Variants in SDR42E2 observed in about 807,000 individuals in gnomAD.
SDR42E2 encodes putative short-chain dehydrogenase/reductase family 42E member 2.
Under a neutral mutation model 10.5 loss-of-function variants are expected in SDR42E2, and 20 were observed. That is an observed-to-expected ratio of 1.90 (90% CI 1.34 to 2.77). SDR42E2 has a LOEUF of 2.77. SDR42E2 is among the 30% of genes most tolerant of loss of function. The pLI is 0.00. For synonymous variants in SDR42E2, 72 were observed against 39.2 expected, an observed-to-expected ratio of 1.84 and a Z score of -3.12; for missense variants, 162 against 104.2, an observed-to-expected ratio of 1.55 and a Z score of -2.42.
At chr16:22,180,465 C>A (rs1182454571) in intron 8 of SDR42E2, among the ~76,000 whole-genome samples, 1 of 152,026 alleles carries the variant, frequency 6.6e-6, no homozygotes, top group Non-Finnish European at 1.5e-5. Flanking sequence ...CTTTGGGAAG[C>A]CGAGGAGGGA....
chr16:22,186,204 C>A (rs1335200893), intron 11 of SDR42E2, among the ~76,000 whole-genome samples: 1 of 151,744 alleles, frequency 6.6e-6, no homozygotes, highest in African/African-American at 2.4e-5. Flanking sequence ...AAACTTCAGT[C>A]GTTCAATTTT....
intron 7 of SDR42E2, among the ~76,000 whole-genome samples, chr16:22,175,353 G>A (rs528120203): frequency 6.6e-6 from 1 of 152,106 alleles, no homozygotes; most frequent in South Asian, 2.1e-4. Flanking sequence ...CCAGCTACTC[G>A]GGAGGCAGAG....
chr16:22,169,876 C>G (rs1181906050), intron 5 of SDR42E2, among the ~76,000 whole-genome samples: 1 of 151,590 alleles, frequency 6.6e-6, no homozygotes, highest in East Asian at 1.9e-4. Context: ...ACTAAAAATA[C>G]AAAAAATTAG....
chr16:22,174,396 CA>C (rs1363298396), intron 7 of SDR42E2, among the ~76,000 whole-genome samples: 1 of 152,038 alleles, frequency 6.6e-6, no homozygotes, highest in Admixed American at 6.6e-5. Context: ...TGACCTCACT[CA>C]AGATCATCCA....
intron 7 of SDR42E2, among the ~76,000 whole-genome samples, chr16:22,177,852 G>A (rs868064815): frequency 8.3e-5 from 12 of 144,884 alleles, no homozygotes; most frequent in Admixed American, 5.7e-4. Flanking sequence ...TGCACTGTGA[G>A]CAATGGGAGG....
intron 6 of SDR42E2, among the ~76,000 whole-genome samples, chr16:22,171,520 GTTGT>G (rs1206106685): frequency 2.0e-5 from 3 of 151,752 alleles, no homozygotes; most frequent in South Asian, 2.1e-4. Flanking sequence ...TTACAGGCGT[GTTGT>G]TTGTTTGTTT....
At chr16:22,175,990 T>TAAA (rs879892114) in intron 7 of SDR42E2, among the ~76,000 whole-genome samples, 1 of 141,704 alleles carries the variant, frequency 7.1e-6, no homozygotes, top group Non-Finnish European at 1.6e-5. Context: ...AAGACTCTAT[T>TAAA]AAAAAAAAAA....
chr16:22,169,406 G>A (rs957574770), intron 4 of SDR42E2, 39 bp from the exon 5 acceptor site: 24 of 703,074 alleles, frequency 3.4e-5, no homozygotes, highest in Middle Eastern at 2.3e-4. Context: ...AAGAAGGCAT[G>A]GGTAGCACCA....
chr16:22,168,992 A>T (rs980410716), intron 4 of SDR42E2, among the ~76,000 whole-genome samples: 3 of 152,168 alleles, frequency 2.0e-5, no homozygotes, highest in African/African-American at 7.2e-5. Flanking sequence ...GGCCCACAGG[A>T]GCCCTCACAG....
intron 7 of SDR42E2, among the ~76,000 whole-genome samples, chr16:22,175,818 C>T (rs886629754): frequency 2.0e-5 from 3 of 151,926 alleles, no homozygotes; most frequent in African/African-American, 7.3e-5. Context: ...CATAGCGAAG[C>T]CCCTCCTCTA....
At chr16:22,164,255 A>T (rs2046518343) in intron 1 of SDR42E2, among the ~76,000 whole-genome samples, 1 of 152,156 alleles carries the variant, frequency 6.6e-6, no homozygotes, top group Admixed American at 6.5e-5. Context: ...CTCTGTCTCA[A>T]AAATTAAAAA....
At chr16:22,184,558 C>T (rs1393415614) in intron 11 of SDR42E2, among the ~76,000 whole-genome samples, 1 of 152,086 alleles carries the variant, frequency 6.6e-6, no homozygotes, top group Non-Finnish European at 1.5e-5. Flanking sequence ...GCCGAGATCC[C>T]GCCACTGCAC....
At chr16:22,172,834 G>A (rs2046612666) in intron 7 of SDR42E2, among the ~76,000 whole-genome samples, 1 of 152,214 alleles carries the variant, frequency 6.6e-6, no homozygotes, top group South Asian at 2.1e-4. Context: ...AGGCTGGAGT[G>A]CAATGGCACA....
intron 1 of SDR42E2, among the ~76,000 whole-genome samples, chr16:22,163,985 T>TA (rs1343435426): frequency 6.6e-6 from 1 of 151,176 alleles, no homozygotes; most frequent in Admixed American, 6.7e-5. Flanking sequence ...CAGAGGTCCC[T>TA]AGCACATGGT....
intron 12 of SDR42E2, 102 bp from the exon 13 acceptor site, chr16:22,190,037 G>A (rs1351904599): frequency 3.3e-5 from 13 of 399,954 alleles, no homozygotes; most frequent in Admixed American, 4.4e-5. Flanking sequence ...ATGTAATGGA[G>A]GGGAAATCCC....
intron 4 of SDR42E2, among the ~76,000 whole-genome samples, chr16:22,168,060 C>G (rs1398873485): frequency 6.6e-6 from 1 of 151,904 alleles, no homozygotes; most frequent in Non-Finnish European, 1.5e-5. Context: ...TTCTTTTTAA[C>G]CTTGATCGTG....
chr16:22,167,110 T>C, intron 4 of SDR42E2, 111 bp downstream of exon 4: 1 of 493,880 alleles, frequency 2.0e-6, no homozygotes, highest in Non-Finnish European at 3.8e-6. Context: ...TAGGAGGGAC[T>C]TGGGCTACTC....
At chr16:22,184,082 A>G in intron 10 of SDR42E2, 99 bp from the exon 11 acceptor site, 1 of 397,352 alleles carries the variant, frequency 2.5e-6, no homozygotes. Context: ...GTGGGGAGAC[A>G]GGAGGTACCT....
At position 22,181,606 on chromosome 16, in the gene SDR42E2, G is replaced by A; in HGVS notation, c.760G>A (p.Ala254Thr). The A allele has an allele frequency of 1.4e-6, 1 of 703,040 alleles. No homozygotes were observed. The highest frequency in any genetic ancestry group is 1.5e-5 in the South Asian group (1 of 67,610). The allele number at this position is 703,040 out of a possible 1,614,324, so 43.6% of individuals were successfully genotyped here. ...GGTCCACGTACACAATCTGGTGCAG[G>A]CACACGTGCTGGCGGCCGAGGCCCT... ...NWVHVHNLVQ[A>T]HVLAAEALTT... is the part of the protein sequence containing the mutation. Residue 254 changes from alanine (A) to threonine (T), a missense_variant, in exon 9 of 13, where the codon GCA becomes ACA. Transcript: ENST00000602312.
Sources: allele counts gnomAD v4.1 joint callset (sites outside exome capture counted in the v4.1 genomes callset), GRCh38; gene constraint gnomAD v4.1.1; transcripts MANE v1.5; gene names NCBI Gene and HGNC (gene_info 2026-07-23, HGNC 2026-07-21).